ETFA: variants seen among roughly 807,000 people sequenced by gnomAD.
The protein encoded by ETFA is electron transfer flavoprotein subunit alpha, mitochondrial.
Under a neutral mutation model 46.2 loss-of-function variants are expected in ETFA, and 22 were observed. The observed-to-expected ratio is 0.48, with a 90% confidence interval of 0.34 to 0.68. ETFA has a LOEUF of 0.68. Ranked by LOEUF, ETFA falls within the 30% of genes least tolerant of loss-of-function variation. The probability of loss-of-function intolerance (pLI) is 0.01; values close to 1 mark genes in which losing one functional copy is unlikely to be tolerated. For synonymous variants in ETFA, 131 were observed against 139.9 expected, an observed-to-expected ratio of 0.94 and a Z score of 0.45; for missense variants, 345 against 401.1, an observed-to-expected ratio of 0.86 and a Z score of 1.19.
chr15:76,282,720 T>C (rs750426553), intron 8 of ETFA, among the ~76,000 whole-genome samples: 1 of 152,040 alleles, frequency 6.6e-6, no homozygotes, highest in African/African-American at 2.4e-5. Context: ...CCTCGAAAGT[T>C]ATATGTTAAA....
chr15:76,289,105 GTT>G (rs141752179), intron 4 of ETFA, among the ~76,000 whole-genome samples: 65 of 151,838 alleles, frequency 4.3e-4, no homozygotes, highest in African/African-American at 1.4e-3. Context: ...TTTATGTTTT[GTT>G]TTTTTCTGTA....
chr15:76,306,273 T>C (rs1399066624), intron 1 of ETFA, among the ~76,000 whole-genome samples: 5 of 141,182 alleles, frequency 3.5e-5, no homozygotes, highest in Non-Finnish European at 4.6e-5. Context: ...GCTTCTTTTT[T>C]TTTTTTTTTT....
In ETFA at chr15:76,305,040, C is replaced by CA. The variant is rs60175516; in HGVS notation, c.39+6309dup. ...CCTGGGCAACAGTGAGACTCTGTCT[C>CA]AAAAAAAAAAAAGAAAGAAAGAAAG... On this transcript the variant is annotated intron_variant, in intron 1 of 11. Coordinates refer to ENST00000557943, the MANE Select transcript of ETFA (RefSeq NM_000126.4). Among the ~76,000 whole-genome samples, 746 of 140,520 alleles carry CA rather than the reference C, an allele frequency of 5.3e-3. 6 individuals carry two copies. The highest frequency in any genetic ancestry group is 0.017 in the African/African-American group (651 of 37,824). The allele number at this position is 140,520 out of a possible 152,430, so 92.2% of individuals were successfully genotyped here. A position where few individuals can be genotyped will look rare whatever the true frequency, so the allele number is the denominator to read the frequency against.
chr15:76,286,434 A>G lies in ETFA; in HGVS notation c.499T>C (p.Ser167Pro). The change falls in exon 6 of 12, where the codon TCT (serine) becomes CCT (proline). Residue 167 changes from serine to proline, a missense_variant. Physicochemically the swap from Ser to Pro is moderately conservative, Grantham distance 74. Coordinates refer to ENST00000557943, the MANE Select transcript of ETFA (RefSeq NM_000126.4). ...VKCDEKVKVF[S>P]VRGTSFDAAA... ...GCATCAAAGGATGTTCCACGGACAG[A>G]AAACACTTTCACTTTCTCATCACAC... 1 of 1,613,872 alleles carries G rather than the reference A, an allele frequency of 6.2e-7. No homozygotes were observed.
chr15:76,287,463 T>C (rs1462504145), intron 5 of ETFA, among the ~76,000 whole-genome samples: 1 of 152,214 alleles, frequency 6.6e-6, no homozygotes, highest in African/African-American at 2.4e-5. Context: ...CCACTGCAGC[T>C]GGCTAAAATG....
chr15:76,277,100 G>T (rs1567212765), intron 8 of ETFA, among the ~76,000 whole-genome samples: 2 of 152,160 alleles, frequency 1.3e-5, no homozygotes, highest in African/African-American at 2.4e-5. Flanking sequence ...ACAGTCCTAT[G>T]GTGACGTCTT....
intron 9 of ETFA, among the ~76,000 whole-genome samples, chr15:76,241,208 CTT>C (rs1204045051): frequency 2.6e-5 from 4 of 152,008 alleles, no homozygotes; most frequent in African/African-American, 9.7e-5. Flanking sequence ...CAAATAAAAA[CTT>C]TATTTGAAGG....
chr15:76,270,301 C>T (rs2039515605), intron 9 of ETFA, among the ~76,000 whole-genome samples: 1 of 152,128 alleles, frequency 6.6e-6, no homozygotes, highest in Admixed American at 6.5e-5. Context: ...CTAGGTTTCT[C>T]ACCATAGGAG....
chr15:76,284,240 A>G (rs2039683844), intron 7 of ETFA: 1 of 173,364 alleles, frequency 5.8e-6, no homozygotes. Context: ...GAGGAAGAAC[A>G]TTCTGCCTTT....
At chr15:76,261,685 C>T (rs2039415355) in intron 9 of ETFA, 1 of 339,494 alleles carries the variant, frequency 2.9e-6, no homozygotes, top group Admixed American at 4.5e-5. Flanking sequence ...TGTGCCTCAG[C>T]ACCATCTGTG....
At position 76,287,883 on chromosome 15, in the gene ETFA, G is replaced by C. The variant is rs1179879689; in HGVS notation, c.414C>G (p.Ile138Met). The change falls in exon 5 of 12, where the codon ATC becomes ATG. Residue 138 changes from isoleucine to methionine, a missense_variant. Coordinates refer to ENST00000557943, the MANE Select transcript of ETFA (RefSeq NM_000126.4). Reference sequence around the variant, plus strand: ...TTCTCACAAATGTGTCAGGTGACTTGATTGCAATGATGTCAGAAATCGGGG... The same window carrying C: ...TTCTCACAAATGTGTCAGGTGACTTCATTGCAATGATGTCAGAAATCGGGG... ...EVAPISDIIA[I>M]KSPDTFVRTI... The C allele has an allele frequency of 1.2e-6, 2 of 1,613,850 alleles. No homozygotes were observed. Among genetic ancestry groups the C allele is most frequent in the Non-Finnish European group, 8.5e-7 (1 of 1,179,798 alleles).
chr15:76,231,898 A>G (rs2039070043), intron 9 of ETFA, among the ~76,000 whole-genome samples: 1 of 152,216 alleles, frequency 6.6e-6, no homozygotes, highest in South Asian at 2.1e-4. Flanking sequence ...ACAAAAGGAT[A>G]TTTGTTAAAA....
At chr15:76,243,823 A>AC (rs71140202) in intron 9 of ETFA, among the ~76,000 whole-genome samples, 63,349 of 151,476 alleles carry the variant, frequency 0.42, 15,533 homozygotes, top group Middle Eastern at 0.57. Flanking sequence ...AAACAAACAA[A>AC]AAAAAAACAA....
intron 11 of ETFA, among the ~76,000 whole-genome samples, chr15:76,218,479 C>T (rs1034029303): frequency 2.6e-5 from 4 of 152,200 alleles, no homozygotes; most frequent in African/African-American, 7.2e-5. Flanking sequence ...CCAAGTTGGT[C>T]AAGTTGGTCT....
At chr15:76,263,122 TC>T (rs1187329236) in intron 9 of ETFA, among the ~76,000 whole-genome samples, 1 of 152,196 alleles carries the variant, frequency 6.6e-6, no homozygotes, top group East Asian at 1.9e-4. Flanking sequence ...ATATACCACT[TC>T]CTTTCAACCC....
chr15:76,295,343 A>G (rs2039807171), intron 2 of ETFA, among the ~76,000 whole-genome samples: 1 of 152,204 alleles, frequency 6.6e-6, no homozygotes, highest in Non-Finnish European at 1.5e-5. Flanking sequence ...TCCACTTGGT[A>G]CCTGATGGCA....
At chr15:76,239,079 C>T (rs776553401) in intron 9 of ETFA, among the ~76,000 whole-genome samples, 7 of 152,176 alleles carry the variant, frequency 4.6e-5, no homozygotes, top group African/African-American at 1.4e-4. Context: ...GTCTATGTTA[C>T]GCCAGTAACT....
Position 76,285,620 on chromosome 15 carries a change from A to T in ETFA, c.664+17T>A. On this transcript the variant is annotated intron_variant, in intron 7 of 11. Transcript: ENST00000557943. ...GTATTTTCAATTTACATCTTTTAAG[A>T]TTAATATTTCACTTACCACCAGATA... 1 of 1,340,696 alleles carries T rather than the reference A, an allele frequency of 7.5e-7. No individual in the cohort carries two copies. The highest frequency in any genetic ancestry group is 1.2e-5 in the South Asian group (1 of 85,032). The allele number at this position is 1,340,696 out of a possible 1,614,324, so 83.0% of individuals were successfully genotyped here.
chr15:76,270,099 C>T (rs1203246405), intron 9 of ETFA, among the ~76,000 whole-genome samples: 1 of 152,190 alleles, frequency 6.6e-6, no homozygotes, highest in African/African-American at 2.4e-5. Flanking sequence ...TGAGGAGCAA[C>T]TAGAACCCAC....
Sources: gnomAD v4.1 joint callset for allele counts (sites outside exome capture counted in the v4.1 genomes callset) on GRCh38, gnomAD v4.1.1 for gene constraint, MANE v1.5 for transcripts, NCBI Gene and HGNC (gene_info 2026-07-23, HGNC 2026-07-21) for gene names.